The following BTBD9 variants were observed in gnomAD, a reference collection of about 807,000 sequenced individuals.
The protein encoded by BTBD9 is BTB domain containing 9.
Under a neutral mutation model 64.3 loss-of-function variants are expected in BTBD9, and 49 were observed. The observed-to-expected ratio is 0.76, with a 90% CI of 0.61 to 0.97. The LOEUF (loss-of-function observed/expected upper bound fraction) is 0.97. Ranked by LOEUF, BTBD9 falls within the 50% of genes least tolerant of loss-of-function variation. The pLI is 0.00. For synonymous variants in BTBD9, 260 were observed against 274.7 expected, an observed-to-expected ratio of 0.95 and a Z score of 0.53; for missense variants, 598 against 762.1, an observed-to-expected ratio of 0.78 and a Z score of 2.53.
intron 6 of BTBD9, among the ~76,000 whole-genome samples, chr6:38,363,537 T>G (rs571984640): frequency 6.6e-6 from 1 of 152,210 alleles, no homozygotes; most frequent in Non-Finnish European, 1.5e-5. Context: ...TATGATTGAT[T>G]GCACCACTGC....
intron 8 of BTBD9, among the ~76,000 whole-genome samples, chr6:38,279,901 A>G (rs1051117401): frequency 3.3e-5 from 5 of 152,204 alleles, no homozygotes; most frequent in Admixed American, 6.5e-5. Context: ...GATTCTTTTC[A>G]TATATCCAGC....
intron 6 of BTBD9, among the ~76,000 whole-genome samples, chr6:38,551,310 C>G (rs147378911): frequency 3.3e-4 from 50 of 152,240 alleles, no homozygotes; most frequent in African/African-American, 9.9e-4. Flanking sequence ...TCACTCCGGG[C>G]AAAGGGCATA....
At chr6:38,496,672 A>G (rs1771975536) in intron 6 of BTBD9, among the ~76,000 whole-genome samples, 1 of 148,678 alleles carries the variant, frequency 6.7e-6, no homozygotes, top group Non-Finnish European at 1.5e-5. Flanking sequence ...AAAAAAAAAA[A>G]GAGAGAGAGA....
chr6:38,288,143 T>C, intron 8 of BTBD9, 129 bp downstream of exon 8: 1 of 1,017,676 alleles, frequency 9.8e-7, no homozygotes, highest in African/African-American at 1.6e-5. Context: ...CCCACTCCTT[T>C]CTTGATACTT....
intron 6 of BTBD9, among the ~76,000 whole-genome samples, chr6:38,500,083 T>G (rs1003136445): frequency 6.6e-6 from 1 of 152,162 alleles, no homozygotes; most frequent in Non-Finnish European, 1.5e-5. Flanking sequence ...ATGCATACTT[T>G]CCATGTGGCA....
At chr6:38,556,550 TGAGAGAGAGA>T (rs139812784) in intron 6 of BTBD9, among the ~76,000 whole-genome samples, 12 of 61,682 alleles carry the variant, frequency 1.9e-4, no homozygotes, top group African/African-American at 5.9e-4. Context: ...TGTGTGTGTG[TGAGAGAGAGA>T]GAGAGAGAGA....
intron 7 of BTBD9, among the ~76,000 whole-genome samples, chr6:38,330,700 C>T (rs562321981): frequency 5.9e-5 from 9 of 151,906 alleles, no homozygotes; most frequent in South Asian, 2.1e-4. Flanking sequence ...AAATAGATGA[C>T]GAAGATGCTG....
At chr6:38,259,163 C>G (rs1316706759) in intron 8 of BTBD9, among the ~76,000 whole-genome samples, 2 of 152,176 alleles carry the variant, frequency 1.3e-5, no homozygotes, top group East Asian at 1.9e-4. Flanking sequence ...TCACCAAAAG[C>G]CCATTTCTGT....
At chr6:38,214,299 A>G (rs1010862551) in intron 9 of BTBD9, among the ~76,000 whole-genome samples, 16 of 152,192 alleles carry the variant, frequency 1.1e-4, no homozygotes, top group Admixed American at 9.2e-4. Context: ...TGCACATCTC[A>G]GCGCCCTCAG....
Position 38,545,853 on chromosome 6 carries a change from CAT to C in BTBD9, c.1154+31745_1154+31746del, listed in dbSNP as rs1239198083. On this transcript the variant is annotated intron_variant, in intron 6 of 10. Coordinates refer to ENST00000481247, the MANE Select transcript of BTBD9 (RefSeq NM_001099272.2). ...AATATTTAAAACACACACACACACA[CAT>C]ACACACACACACACACACACACACA... 4.6e-3 allele frequency among the ~76,000 whole-genome samples: 449 copies of C among 97,516 alleles called. 3 individuals carry two copies. The highest frequency in any genetic ancestry group is 0.016 in the African/African-American group (362 of 23,298). 64.0% of individuals were successfully genotyped at this position (97,516 alleles called of 152,430 possible).
At chr6:38,327,723 A>G (rs1227433112) in intron 7 of BTBD9, among the ~76,000 whole-genome samples, 2 of 152,238 alleles carry the variant, frequency 1.3e-5, no homozygotes, top group African/African-American at 2.4e-5. Flanking sequence ...CCCAAGCTTC[A>G]GAGATCTGTA....
At chr6:38,353,790 G>C (rs1248599042) in intron 6 of BTBD9, among the ~76,000 whole-genome samples, 2 of 152,120 alleles carry the variant, frequency 1.3e-5, no homozygotes, top group Non-Finnish European at 2.9e-5. Context: ...TAATGGAATT[G>C]TGAACTAGAG....
intron 6 of BTBD9, among the ~76,000 whole-genome samples, chr6:38,505,964 C>CAAAAAAAAAAAAAAAAAAAAAAAAAAA (rs59014161): frequency 4.8e-5 from 4 of 82,628 alleles, no homozygotes; most frequent in African/African-American, 1.6e-4. Context: ...TCCGTCTCAA[C>CAAAAAAAAAAAAAAAAAAAAAAAAAAA]AAAAAAAAAA....
At chr6:38,283,602 T>C (rs1166074887) in intron 8 of BTBD9, among the ~76,000 whole-genome samples, 1 of 152,176 alleles carries the variant, frequency 6.6e-6, no homozygotes, top group Non-Finnish European at 1.5e-5. Context: ...TAAGCCATGA[T>C]CACACCATCA....
chr6:38,218,426 C>T (rs1159098883), intron 9 of BTBD9, among the ~76,000 whole-genome samples: 2 of 152,152 alleles, frequency 1.3e-5, no homozygotes, highest in African/African-American at 4.8e-5. Flanking sequence ...TTTTCTGAAC[C>T]TGCTACCACT....
chr6:38,584,407 A>G (rs574931175), intron 4 of BTBD9, among the ~76,000 whole-genome samples: 4 of 152,328 alleles, frequency 2.6e-5, no homozygotes, highest in Admixed American at 1.3e-4. Context: ...GCATAATATT[A>G]AGCTTTGAAA....
At chr6:38,330,181 A>G (rs543514669) in intron 7 of BTBD9, among the ~76,000 whole-genome samples, 17 of 152,056 alleles carry the variant, frequency 1.1e-4, no homozygotes, top group South Asian at 2.1e-4. Context: ...CAGCCTCCTG[A>G]ATAGCTGGCA....
At chr6:38,518,748 G>A (rs1193171826) in intron 6 of BTBD9, among the ~76,000 whole-genome samples, 2 of 152,154 alleles carry the variant, frequency 1.3e-5, no homozygotes, top group African/African-American at 2.4e-5. Flanking sequence ...CTTATTTGTA[G>A]CTATAAGCAC....
chr6:38,297,481 G>C (rs1459999302), intron 7 of BTBD9, among the ~76,000 whole-genome samples: 4 of 152,140 alleles, frequency 2.6e-5, no homozygotes, highest in African/African-American at 4.8e-5. Flanking sequence ...CATCATCTTA[G>C]AAATTATATC....
Sources: allele counts gnomAD v4.1 joint callset (sites outside exome capture counted in the v4.1 genomes callset), GRCh38; gene constraint gnomAD v4.1.1; transcripts MANE v1.5; gene names NCBI Gene and HGNC (gene_info 2026-07-23, HGNC 2026-07-21).